Variants in ABCA13 observed in about 807,000 individuals in gnomAD.
The protein encoded by ABCA13 is ATP binding cassette subfamily A member 13.
A neutral mutation model predicts 478.7 loss-of-function variants in ABCA13; 476 were observed. That is an observed-to-expected ratio of 0.99 (90% CI 0.92 to 1.07). The LOEUF is 1.07. Among genes scored for constraint, ABCA13 ranks in the 50% least tolerant of loss-of-function variants. The pLI, the probability that ABCA13 is intolerant of heterozygous loss-of-function variation, is 0.00. For missense variants in ABCA13, 6,060 were observed against 5,910.6 expected, an observed-to-expected ratio of 1.03 and a Z score of -0.83; for synonymous variants, 2,252 against 2,158.9, an observed-to-expected ratio of 1.04 and a Z score of -1.20.
At chr7:48,511,233 G>T in intron 51 of ABCA13, 34 bp downstream of exon 51, 1 of 1,554,738 alleles carries the variant, frequency 6.4e-7, no homozygotes, top group Non-Finnish European at 8.8e-7. Flanking sequence ...CAGAATTACG[G>T]TTTGTTTTCT....
chr7:48,227,865 C>T (rs1331777622), intron 6 of ABCA13, among the ~76,000 whole-genome samples: 1 of 152,090 alleles, frequency 6.6e-6, no homozygotes. Context: ...AGAAATTATG[C>T]CATAGTTGCC....
At chr7:48,191,180 G>T (rs1029342241) in intron 1 of ABCA13, among the ~76,000 whole-genome samples, 4 of 152,118 alleles carry the variant, frequency 2.6e-5, no homozygotes, top group Non-Finnish European at 4.4e-5. Flanking sequence ...TACAAAGAAT[G>T]ACCAAAATGA....
intron 39 of ABCA13, among the ~76,000 whole-genome samples, chr7:48,408,935 A>G (rs1262996061): frequency 6.6e-6 from 1 of 152,174 alleles, no homozygotes; most frequent in African/African-American, 2.4e-5. Flanking sequence ...GTAAGTGAGA[A>G]CATGCGGTGT....
rs757401220 is a variant in ABCA13 at position 48,279,089 on chromosome 7, C to G, written c.7895C>G (p.Ser2632Cys). The G allele has an allele frequency of 2.5e-6, 4 of 1,612,220 alleles. No individual in the cohort carries two copies. Among genetic ancestry groups the G allele is most frequent in the African/African-American group, 1.3e-5 (1 of 74,896 alleles). ...LSYMNQSKDF[S>C]DILEEIAEFL... ...TATATGAACCAATCTAAGGACTTTT[C>G]TGATATTTTGGAAGAAATTGCTGAA... The change falls in exon 18 of 62, where the codon TCT (serine) becomes TGT (cysteine). Residue 2632 changes from serine (S) to cysteine (C), a missense_variant. Ser to Cys is a moderately radical substitution (Grantham distance 112, BLOSUM62 -1). Around this residue, in one of 3 missense-constraint regions of ABCA13, gnomAD observed 4,423 missense variants for 4,309.1 expected, o/e 1.03. Coordinates refer to ENST00000435803, the MANE Select transcript of ABCA13 (RefSeq NM_152701.5).
At chr7:48,265,740 G>A (rs931878063) in intron 15 of ABCA13, among the ~76,000 whole-genome samples, 3 of 151,432 alleles carry the variant, frequency 2.0e-5, no homozygotes, top group Non-Finnish European at 4.4e-5. Flanking sequence ...GTTTTTGTAT[G>A]TCTTTTATTT....
Position 48,462,653 on chromosome 7 carries a change from C to A in ABCA13, c.12816-4303C>A, listed in dbSNP as rs2130015595. 2.0e-5 allele frequency among the ~76,000 whole-genome samples: 3 copies of A among 152,112 alleles called. No individual in the cohort carries two copies. In the South Asian group the frequency reaches 6.2e-4, roughly 32 times the overall value. The stretch of plus-strand genomic sequence containing the variant: ...CCTCCCGAGTAGCTAGGATTACAAG[C>A]ATGCAGCACCACATCTGGCTCATTT... On this transcript the variant is annotated intron_variant, in intron 43 of 61. Transcript: ENST00000435803.
chr7:48,575,968 C>T (rs1788138027), intron 55 of ABCA13, among the ~76,000 whole-genome samples: 1 of 152,048 alleles, frequency 6.6e-6, no homozygotes, highest in African/African-American at 2.4e-5. Context: ...GATGATTCTG[C>T]CGGTACTGAA....
intron 42 of ABCA13, among the ~76,000 whole-genome samples, chr7:48,450,553 A>G (rs925065783): frequency 6.6e-6 from 1 of 152,228 alleles, no homozygotes; most frequent in South Asian, 2.1e-4. Context: ...CTAAAAGCAT[A>G]TCAAAATATT....
intron 49 of ABCA13, 32 bp from the exon 50 acceptor site, chr7:48,507,840 G>A: frequency 3.9e-6 from 6 of 1,556,340 alleles, no homozygotes; most frequent in Non-Finnish European, 4.4e-6. Context: ...TTCTTCGTCA[G>A]GTGCCTGAGA....
In ABCA13 at chr7:48,275,141, GA is replaced by G; in HGVS notation, c.5477del (p.Asn1826IlefsTer13). The G allele has an allele frequency of 6.2e-7, 1 of 1,613,852 alleles. No homozygotes were observed. The highest frequency in any genetic ancestry group is 2.2e-5 in the East Asian group (1 of 44,882). On this transcript the variant is annotated frameshift_variant, in exon 17 of 62. Transcript: ENST00000435803. LOFTEE classifies it high-confidence loss of function. ...LACFPVVWCW[N>X]HTNSGFRQNS... The stretch of plus-strand genomic sequence containing the variant: ...CTTGTTTTCCTGTGGTTTGGTGCTG[GA>G]ATCACACAAATTCTGGATTTCGGCA...
intron 48 of ABCA13, among the ~76,000 whole-genome samples, chr7:48,502,041 A>G (rs1352845118): frequency 6.6e-6 from 1 of 152,234 alleles, no homozygotes; most frequent in African/African-American, 2.4e-5. Flanking sequence ...TTCCTAAAAG[A>G]ATCTATAATT....
At chr7:48,614,938 T>A (rs1218180614) in intron 58 of ABCA13, among the ~76,000 whole-genome samples, 2 of 148,034 alleles carry the variant, frequency 1.4e-5, no homozygotes, top group East Asian at 4.0e-4. Context: ...TAATGCTAAG[T>A]GACGAGTTAA....
At position 48,619,577 on chromosome 7, in the gene ABCA13, T is replaced by C. The variant is rs114868014; in HGVS notation, c.14837+4200T>C. 8.9e-3 allele frequency among the ~76,000 whole-genome samples: 1,358 copies of C among 152,304 alleles called. 20 individuals are homozygous for C. Among genetic ancestry groups the C allele is most frequent in the African/African-American group, 0.031 (1,269 of 41,558 alleles). ...ATGCAGTTTATGCCTGCTTTGGTAC[T>C]CACAAGTGCAGAGAGTGAGTCCGGC... On this transcript the variant is annotated intron_variant, in intron 59 of 61. Coordinates refer to ENST00000435803, the MANE Select transcript of ABCA13 (RefSeq NM_152701.5).
chr7:48,363,191 A>G (rs1033856501), intron 31 of ABCA13, among the ~76,000 whole-genome samples: 1 of 152,128 alleles, frequency 6.6e-6, no homozygotes, highest in Non-Finnish European at 1.5e-5. Context: ...ATTCCTACAT[A>G]CGTAAAACTC....
intron 15 of ABCA13, among the ~76,000 whole-genome samples, chr7:48,260,626 A>C (rs1794042740): frequency 6.6e-6 from 1 of 152,054 alleles, no homozygotes; most frequent in Non-Finnish European, 1.5e-5. Flanking sequence ...ACAGTTTTCT[A>C]TGAATTAATC....
rs920673594 is a variant in ABCA13, at chr7:48,520,157, C to A, written c.13914C>A (p.His4638Gln). The change falls in exon 53 of 62, where the codon CAC becomes CAA. Residue 4638 changes from histidine to glutamine, a missense_variant. By Grantham distance (24) the His-to-Gln change is conservative (BLOSUM62 0). This residue lies in a region of ABCA13 where 1,627 missense variants were observed against 1,571.0 expected (regional missense o/e 1.04). Coordinates refer to ENST00000435803, the MANE Select transcript of ABCA13 (RefSeq NM_152701.5). ...CYNQIKYDLT[H>Q]NFGIDSYVSP... The stretch of plus-strand genomic sequence containing the variant: ...ATCAGATCAAATATGACCTGACCCA[C>A]AACTTCGGCATTGATTCCTATGTGA... 6.2e-7 allele frequency: 1 copy of A among 1,613,702 alleles called. No individual in the cohort carries two copies. The highest frequency in any genetic ancestry group is 1.3e-5 in the African/African-American group (1 of 74,906).
At chr7:48,362,367 G>A (rs545178787) in intron 31 of ABCA13, among the ~76,000 whole-genome samples, 9 of 145,512 alleles carry the variant, frequency 6.2e-5, no homozygotes, top group African/African-American at 2.3e-4. Flanking sequence ...TTGAAATGGT[G>A]AACTCTGCTT....
intron 1 of ABCA13, among the ~76,000 whole-genome samples, chr7:48,184,265 A>C (rs1796071005): frequency 6.6e-6 from 1 of 152,220 alleles, no homozygotes; most frequent in Non-Finnish European, 1.5e-5. Flanking sequence ...GACTGTGTTC[A>C]ATTCTATCAT....
At chr7:48,472,733 G>T (rs151305033) in intron 45 of ABCA13, among the ~76,000 whole-genome samples, 1 of 152,112 alleles carries the variant, frequency 6.6e-6, no homozygotes, top group Non-Finnish European at 1.5e-5. Context: ...TCAAAAAACC[G>T]GTTAGGACTA....
Sources: gnomAD v4.1 joint callset for allele counts (sites outside exome capture counted in the v4.1 genomes callset) on GRCh38, gnomAD v4.1.1 for gene constraint, gnomAD v4.1.1 regional missense constraint, MANE v1.5 for transcripts, NCBI Gene and HGNC (gene_info 2026-07-23, HGNC 2026-07-21) for gene names.